The following CACNA2D3 variants were observed in gnomAD, a reference collection of about 807,000 sequenced individuals.
CACNA2D3 encodes the protein calcium voltage-gated channel auxiliary subunit alpha2delta 3, also known as voltage-dependent calcium channel subunit alpha-2/delta-3.
Under a neutral mutation model 160.6 loss-of-function variants are expected in CACNA2D3, and 60 were observed. That is an observed-to-expected ratio of 0.37 (90% confidence interval 0.30 to 0.46). CACNA2D3 has a LOEUF of 0.46. Among genes scored for constraint, CACNA2D3 ranks in the 20% least tolerant of loss-of-function variants. The probability of loss-of-function intolerance (pLI) is 1.00; values close to 1 mark genes in which losing one functional copy is unlikely to be tolerated. For synonymous variants in CACNA2D3, 558 were observed against 492.9 expected (o/e 1.13, Z -1.75); for missense variants, 1,205 against 1,365.0 (o/e 0.88, Z 1.85).
intron 2 of CACNA2D3, among the ~76,000 whole-genome samples, chr3:54,225,776 C>CA (rs2107384388): frequency 6.8e-6 from 1 of 146,664 alleles, no homozygotes; most frequent in East Asian, 2.0e-4. Context: ...TTCTATTACG[C>CA]TTTTTTTTTT....
intron 23 of CACNA2D3, among the ~76,000 whole-genome samples, 175 bp downstream of exon 23, chr3:54,885,761 A>G (rs910761645): frequency 2.0e-5 from 3 of 152,350 alleles, no homozygotes; most frequent in South Asian, 2.1e-4. Flanking sequence ...AATGTGGATT[A>G]TGGAAAATTG....
intron 13 of CACNA2D3, among the ~76,000 whole-genome samples, chr3:54,790,692 G>C (rs887538742): frequency 6.6e-6 from 1 of 152,012 alleles, no homozygotes; most frequent in Non-Finnish European, 1.5e-5. Context: ...TCTATACCTA[G>C]AGCCCACCTT....
At chr3:54,811,673 G>A (rs942571367) in intron 13 of CACNA2D3, among the ~76,000 whole-genome samples, 1 of 151,244 alleles carries the variant, frequency 6.6e-6, no homozygotes. Context: ...AATTTTTTTT[G>A]TATTTTTAGT....
At chr3:54,287,620 T>TAC (rs1350694406) in intron 2 of CACNA2D3, among the ~76,000 whole-genome samples, 1 of 141,132 alleles carries the variant, frequency 7.1e-6, no homozygotes, top group African/African-American at 2.6e-5. Flanking sequence ...CAACAGAATA[T>TAC]ACATTTTTTT....
chr3:54,250,537 G>A (rs1702167978), intron 2 of CACNA2D3, among the ~76,000 whole-genome samples: 1 of 151,956 alleles, frequency 6.6e-6, no homozygotes, highest in East Asian at 1.9e-4. Flanking sequence ...GGGCTCAAGT[G>A]ATCCTCTCAC....
chr3:54,546,698 GCACACACACACGCGCGCACA>G (rs771882015), intron 5 of CACNA2D3, among the ~76,000 whole-genome samples: 4 of 151,342 alleles, frequency 2.6e-5, no homozygotes, highest in Non-Finnish European at 5.9e-5. Flanking sequence ...ATCAACACAT[GCACACACACACGCGCGCACA>G]CACACACACA....
intron 13 of CACNA2D3, among the ~76,000 whole-genome samples, chr3:54,811,221 C>T (rs1042834516): frequency 1.3e-5 from 2 of 152,172 alleles, no homozygotes; most frequent in Non-Finnish European, 2.9e-5. Context: ...AAACTGAGCT[C>T]TTAGTGTTTT....
chr3:54,355,414 C>T (rs908271090), intron 3 of CACNA2D3, among the ~76,000 whole-genome samples: 1 of 152,140 alleles, frequency 6.6e-6, no homozygotes, highest in African/African-American at 2.4e-5. Flanking sequence ...GGGTCTCTGG[C>T]AGTCATCAGT....
At chr3:54,821,688 CTTTCTTTCT>C (rs1559594948) in intron 14 of CACNA2D3, among the ~76,000 whole-genome samples, 1,378 of 129,520 alleles carry the variant, frequency 0.011, 44 homozygotes, top group African/African-American at 0.039. Flanking sequence ...TTCTTTCTTT[CTTTCTTTCT>C]TTCCTTCCTT....
chr3:54,501,600 T>C (rs1431542656), intron 4 of CACNA2D3, among the ~76,000 whole-genome samples: 1 of 151,568 alleles, frequency 6.6e-6, no homozygotes, highest in Non-Finnish European at 1.5e-5. Context: ...TTTTTTTTTT[T>C]GTAGAGACAG....
chr3:54,827,610 C>T (rs1015581030), intron 14 of CACNA2D3, among the ~76,000 whole-genome samples: 3 of 152,130 alleles, frequency 2.0e-5, no homozygotes, highest in Non-Finnish European at 4.4e-5. Flanking sequence ...TCAGCACTTC[C>T]TTACAGTCTC....
intron 27 of CACNA2D3, among the ~76,000 whole-genome samples, chr3:54,930,383 A>G (rs116515682): frequency 6.6e-6 from 1 of 152,308 alleles, no homozygotes; most frequent in African/African-American, 2.4e-5. Flanking sequence ...CATAAATGGG[A>G]TTGAAAGGCA....
intron 18 of CACNA2D3, chr3:54,877,006 C>T (rs931748952): frequency 1.3e-5 from 2 of 152,122 alleles, no homozygotes; most frequent in Non-Finnish European, 2.9e-5. Flanking sequence ...ACATCGATAT[C>T]GTGGTTTACC....
chr3:54,848,349 A>G (rs1698980056), intron 17 of CACNA2D3, among the ~76,000 whole-genome samples: 2 of 150,206 alleles, frequency 1.3e-5, no homozygotes. Context: ...TTGACACACC[A>G]AAAGTGGTAG....
intron 11 of CACNA2D3, among the ~76,000 whole-genome samples, chr3:54,734,791 G>C (rs574507854): frequency 6.6e-6 from 1 of 152,132 alleles, no homozygotes; most frequent in Non-Finnish European, 1.5e-5. Flanking sequence ...TAACATCCTC[G>C]GCTTCACTCT....
intron 13 of CACNA2D3, among the ~76,000 whole-genome samples, chr3:54,793,145 GACAGAAA>G (rs573040218): frequency 8.3e-4 from 126 of 152,184 alleles, no homozygotes; most frequent in Non-Finnish European, 1.6e-3. Context: ...TAGAGGAGAT[GACAGAAA>G]ATAGAAAATG....
chr3:54,566,285 A>G (rs1479746627), intron 6 of CACNA2D3, among the ~76,000 whole-genome samples: 2 of 152,214 alleles, frequency 1.3e-5, no homozygotes, highest in Non-Finnish European at 2.9e-5. Flanking sequence ...GACACTGGGC[A>G]TGCCCATCTG....
intron 3 of CACNA2D3, among the ~76,000 whole-genome samples, chr3:54,355,844 C>T (rs568122982): frequency 5.9e-5 from 9 of 152,242 alleles, no homozygotes; most frequent in East Asian, 3.9e-4. Context: ...ATGCCCATTT[C>T]GAAGCATAAA....
chr3:54,223,246 A>C (rs1434035471), intron 2 of CACNA2D3, among the ~76,000 whole-genome samples: 1 of 152,230 alleles, frequency 6.6e-6, no homozygotes. Context: ...AAACCTAGAC[A>C]GTATAGCCTG....
Sources: gnomAD v4.1 joint callset for allele counts (sites outside exome capture counted in the v4.1 genomes callset) on GRCh38, gnomAD v4.1.1 for gene constraint, MANE v1.5 for transcripts, NCBI Gene and HGNC (gene_info 2026-07-23, HGNC 2026-07-21) for gene names.